Variants in VRK2 observed in about 807,000 individuals in gnomAD.
The protein encoded by VRK2 is serine/threonine-protein kinase VRK2.
VRK2 carries 60 observed loss-of-function variants against 57.6 expected under a neutral mutation model. The observed-to-expected ratio is 1.04, with a 90% CI of 0.85 to 1.29. VRK2 has a LOEUF of 1.29. Among genes scored for constraint, VRK2 ranks in the 50% most tolerant of loss-of-function variants. The pLI, the probability that VRK2 is intolerant of heterozygous loss-of-function variation, is 0.00. For missense variants in VRK2, 705 were observed against 588.1 expected (o/e 1.20, Z -2.06); for synonymous variants, 231 against 199.2 (o/e 1.16, Z -1.35).
Position 58,159,840 on chromosome 2 carries a change from C to A in VRK2, c.*147C>A. On this transcript the variant is annotated 3_prime_UTR_variant, in exon 13 of 13. Transcript: ENST00000340157. ...CATATTTTAACAAAGTTTGTGGACA[C>A]TCTAAAAAATAAAATTGCTTTGTAC... is the stretch of plus-strand genomic sequence containing the variant. The A allele has an allele frequency of 1.9e-6, 3 of 1,608,424 alleles. No individual in the cohort carries two copies. Among genetic ancestry groups the A allele is most frequent in the Non-Finnish European group, 2.5e-6 (3 of 1,178,118 alleles).
intron 11 of VRK2, among the ~76,000 whole-genome samples, chr2:58,143,134 A>G (rs998111568): frequency 6.6e-5 from 10 of 151,970 alleles, no homozygotes; most frequent in Admixed American, 3.3e-4. Context: ...AAATAATTCT[A>G]TGAACTTCTC....
intron 8 of VRK2, among the ~76,000 whole-genome samples, chr2:58,131,131 C>T (rs1225066717): frequency 6.6e-6 from 1 of 151,764 alleles, no homozygotes; most frequent in Non-Finnish European, 1.5e-5. Flanking sequence ...GATACCATTG[C>T]CTCCGTTTTA....
At chr2:58,051,329 G>A (rs886193350) in intron 2 of VRK2, among the ~76,000 whole-genome samples, 1 of 151,182 alleles carries the variant, frequency 6.6e-6, no homozygotes, top group African/African-American at 2.4e-5. Context: ...TCAGAAAAAA[G>A]GCTCCAGTAC....
chr2:58,028,655 A>G (rs1012491965), intron 2 of VRK2, among the ~76,000 whole-genome samples: 1 of 151,134 alleles, frequency 6.6e-6, no homozygotes, highest in African/African-American at 2.4e-5. Context: ...CAAACACTGC[A>G]TGTTCTCACT....
chr2:57,949,764 T>A (rs983416914), intron 1 of VRK2, among the ~76,000 whole-genome samples: 1 of 152,168 alleles, frequency 6.6e-6, no homozygotes, highest in Admixed American at 6.5e-5. Context: ...AAAGCCCAGA[T>A]AGATTGAAAG....
chr2:58,146,772 T>C (rs1030923254), intron 12 of VRK2, among the ~76,000 whole-genome samples: 6 of 151,762 alleles, frequency 4.0e-5, no homozygotes, highest in African/African-American at 1.4e-4. Flanking sequence ...ACTCAATGTA[T>C]TCTATACTTT....
intron 2 of VRK2, among the ~76,000 whole-genome samples, chr2:58,064,750 T>C (rs1668394313): frequency 6.6e-6 from 1 of 152,130 alleles, no homozygotes; most frequent in Admixed American, 6.6e-5. Flanking sequence ...AAGTGAAATA[T>C]GTAATAGGAA....
At chr2:58,058,387 G>A in intron 2 of VRK2, 1 of 470,646 alleles carries the variant, frequency 2.1e-6, no homozygotes, top group Non-Finnish European at 4.4e-6. Context: ...AATGCTTAGT[G>A]TGGAGTAAAG....
chr2:57,936,777 T>TTAA (rs1376947586), intron 1 of VRK2, among the ~76,000 whole-genome samples: 1 of 152,206 alleles, frequency 6.6e-6, no homozygotes, highest in East Asian at 1.9e-4. Flanking sequence ...AATGATTGAA[T>TTAA]TAATGAATAT....
At chr2:57,967,402 T>G (rs904777569) in intron 1 of VRK2, among the ~76,000 whole-genome samples, 8 of 152,016 alleles carry the variant, frequency 5.3e-5, no homozygotes, top group African/African-American at 1.9e-4. Context: ...GATAATCTCA[T>G]GTAGTTTGTG....
chr2:58,121,504 A>G (rs1045270827), intron 7 of VRK2, among the ~76,000 whole-genome samples: 1 of 152,212 alleles, frequency 6.6e-6, no homozygotes, highest in Non-Finnish European at 1.5e-5. Flanking sequence ...TTCTGAGGCC[A>G]TGTTAAGAAA....
Position 58,145,151 on chromosome 2 carries a change from T to C in VRK2, c.1024-1165T>C, listed in dbSNP as rs571383769. Among the ~76,000 whole-genome samples the C allele has an allele frequency of 3.7e-4, 56 of 152,158 alleles. No individual in the cohort carries two copies. In the South Asian group the frequency reaches 6.4e-3, roughly 17 times the overall value. On this transcript the variant is annotated intron_variant, in intron 11 of 12. Transcript: ENST00000340157. Reference sequence around the variant, plus strand: ...TCATATAAGGACCTTCGCTGTAGCTTTCAATCTTCCAACAGTGTTGTGGGT... The same window carrying C: ...TCATATAAGGACCTTCGCTGTAGCTCTCAATCTTCCAACAGTGTTGTGGGT...
At chr2:57,914,694 T>C (rs1670092084) in intron 1 of VRK2, among the ~76,000 whole-genome samples, 1 of 152,134 alleles carries the variant, frequency 6.6e-6, no homozygotes, top group African/African-American at 2.4e-5. Flanking sequence ...CATTCACTAA[T>C]AAAAGAATAA....
chr2:58,005,465 T>A (rs1673214197), intron 1 of VRK2, among the ~76,000 whole-genome samples: 1 of 152,066 alleles, frequency 6.6e-6, no homozygotes, highest in Non-Finnish European at 1.5e-5. Flanking sequence ...GATATTTTTA[T>A]AAAATTTGGA....
intron 1 of VRK2, among the ~76,000 whole-genome samples, chr2:57,918,264 C>T (rs962847557): frequency 6.6e-6 from 1 of 152,058 alleles, no homozygotes; most frequent in African/African-American, 2.4e-5. Flanking sequence ...AATTCATTCT[C>T]AGTTCTTTGG....
At chr2:57,913,520 TA>T (rs1670055709) in intron 1 of VRK2, among the ~76,000 whole-genome samples, 1 of 152,136 alleles carries the variant, frequency 6.6e-6, no homozygotes, top group East Asian at 1.9e-4. Flanking sequence ...TACAGAGGAA[TA>T]AAGTTGAATA....
intron 2 of VRK2, among the ~76,000 whole-genome samples, chr2:58,030,983 T>C (rs1023115030): frequency 6.6e-6 from 1 of 151,984 alleles, no homozygotes; most frequent in East Asian, 1.9e-4. Context: ...ATGTGACTGA[T>C]CAAACATTTA....
intron 7 of VRK2, among the ~76,000 whole-genome samples, chr2:58,122,397 G>A (rs578161441): frequency 5.3e-5 from 8 of 152,200 alleles, no homozygotes; most frequent in South Asian, 4.1e-4. Context: ...ATAAACAATC[G>A]AGTAATACAT....
chr2:58,150,104 C>G (rs1161070742), intron 12 of VRK2, among the ~76,000 whole-genome samples: 3 of 146,796 alleles, frequency 2.0e-5, no homozygotes, highest in Non-Finnish European at 3.0e-5. Context: ...GTCGTAATAT[C>G]CTTGTATGGT....
Sources: gnomAD v4.1 joint callset for allele counts (sites outside exome capture counted in the v4.1 genomes callset) on GRCh38, gnomAD v4.1.1 for gene constraint, MANE v1.5 for transcripts, NCBI Gene and HGNC (gene_info 2026-07-23, HGNC 2026-07-21) for gene names.